RYR2: variants seen among roughly 807,000 people sequenced by gnomAD.
RYR2 encodes cardiac muscle ryanodine receptor-calcium release channel.
A neutral mutation model predicts 601.1 loss-of-function variants in RYR2; 227 were observed. The ratio of observed to expected loss-of-function variants is 0.38; its 90% CI spans 0.34 to 0.42. The LOEUF is 0.42. RYR2 is among the 10% of genes least tolerant of loss of function. The probability of loss-of-function intolerance (pLI) is 1.00; values close to 1 mark genes in which losing one functional copy is unlikely to be tolerated. For missense variants in RYR2, 4,646 were observed against 6,156.5 expected, an observed-to-expected ratio of 0.75 and a Z score of 8.21; for synonymous variants, 2,223 against 2,175.1, an observed-to-expected ratio of 1.02 and a Z score of -0.61.
At chr1:237,756,178 A>G (rs550187597) in intron 80 of RYR2, 110 bp from the exon 81 acceptor site, 1 of 685,442 alleles carries the variant, frequency 1.5e-6, no homozygotes, top group African/African-American at 1.8e-5. Context: ...GAAATGGTCC[A>G]TAATGTTGTC....
At chr1:237,619,660 C>A (rs573068029) in intron 38 of RYR2, among the ~76,000 whole-genome samples, 1 of 145,374 alleles carries the variant, frequency 6.9e-6, no homozygotes, top group Non-Finnish European at 1.5e-5. Flanking sequence ...TAAATCTTTA[C>A]CGAGACACAT....
In RYR2 at chr1:237,116,466, A is replaced by G. The variant is rs140272960; in HGVS notation, c.48+73897A>G. Among the ~76,000 whole-genome samples the G allele has an allele frequency of 3.8e-3, 576 of 152,320 alleles. 2 individuals carry two copies. Among genetic ancestry groups the G allele is most frequent in the African/African-American group, 0.013 (540 of 41,568 alleles). On this transcript the variant is annotated intron_variant, in intron 1 of 104. Transcript: ENST00000366574. ...ATTAGTCAGGGTTCTCCAGAGAATC[A>G]GAAGCAATTGAAACAGAAGCAATTA...
chr1:237,472,090 T>G (rs1286481221), intron 17 of RYR2, among the ~76,000 whole-genome samples: 1 of 152,192 alleles, frequency 6.6e-6, no homozygotes, highest in Non-Finnish European at 1.5e-5. Flanking sequence ...TAGTTAACAT[T>G]TATGCTTTTA....
chr1:237,158,731 A>C (rs760601215), intron 1 of RYR2, among the ~76,000 whole-genome samples: 1 of 152,316 alleles, frequency 6.6e-6, no homozygotes, highest in South Asian at 2.1e-4. Flanking sequence ...TCGTCTCCTC[A>C]GTGCTGAGGG....
intron 73 of RYR2, among the ~76,000 whole-genome samples, chr1:237,721,852 A>G (rs16835657): frequency 0.016 from 2,425 of 152,116 alleles, 49 homozygotes; most frequent in African/African-American, 0.051. Context: ...TACTTATTCT[A>G]TATTATTTCT....
intron 3 of RYR2, among the ~76,000 whole-genome samples, chr1:237,332,322 A>C (rs1487501427): frequency 6.6e-6 from 1 of 152,192 alleles, no homozygotes; most frequent in East Asian, 1.9e-4. Context: ...AGTAGGGAAG[A>C]GAAACTTTAG....
At chr1:237,647,102 TAGG>T (rs1682246537) in intron 48 of RYR2, among the ~76,000 whole-genome samples, 1 of 152,212 alleles carries the variant, frequency 6.6e-6, no homozygotes. Context: ...ATGCGATTTT[TAGG>T]AGAATTGAAA....
intron 1 of RYR2, among the ~76,000 whole-genome samples, chr1:237,072,413 C>T (rs1468867866): frequency 6.6e-6 from 1 of 152,142 alleles, no homozygotes. Context: ...AGATGAGAGA[C>T]AGATGAAGAG....
At chr1:237,371,016 G>T (rs1025668794) in intron 6 of RYR2, among the ~76,000 whole-genome samples, 3 of 151,526 alleles carry the variant, frequency 2.0e-5, no homozygotes. Context: ...TATTCTATAC[G>T]ATTTGGAAGT....
chr1:237,127,989 C>T (rs1464089019), intron 1 of RYR2, among the ~76,000 whole-genome samples: 9 of 151,624 alleles, frequency 5.9e-5, no homozygotes, highest in Admixed American at 2.0e-4. Flanking sequence ...GGGTGGCGGC[C>T]GGGCAGAGGC....
In RYR2 at chr1:237,523,598, G is replaced by A. The variant is rs141220658; in HGVS notation, c.2823-6829G>A. On this transcript the variant is annotated intron_variant, in intron 24 of 104. Transcript: ENST00000366574. ...AAAAATACAAAAAAAGTAGCTGCAC[G>A]TGGTGGCAGGCGCCTGTAATCCCAG... is the stretch of plus-strand genomic sequence containing the variant. Among the ~76,000 whole-genome samples, 1,289 of 152,104 alleles carry A rather than the reference G, an allele frequency of 8.5e-3. 16 individuals are homozygous for A. Among genetic ancestry groups the A allele is most frequent in the African/African-American group, 0.029 (1,213 of 41,498 alleles).
chr1:237,757,870 T>C, intron 82 of RYR2, 94 bp downstream of exon 82: 2 of 798,096 alleles, frequency 2.5e-6, no homozygotes, highest in South Asian at 1.7e-5. Flanking sequence ...ATTTTCTATG[T>C]ACAATATGGC....
rs929559100 is a variant in RYR2 at position 237,665,449 on chromosome 1, G to A, written c.8437-1063G>A. On this transcript the variant is annotated intron_variant, in intron 56 of 104. Transcript: ENST00000366574. ...AACTTCAGACAAATTAAATTTAACA[G>A]AGTTTAATTGAACAAAGAACCAGTG... 5.7e-5 allele frequency among the ~76,000 whole-genome samples: 8 copies of A among 141,510 alleles called. No individual in the cohort carries two copies. The East Asian group carries it at 1.5e-3, about 26-fold the overall frequency. 92.8% of individuals were successfully genotyped at this position (141,510 alleles called of 152,430 possible).
chr1:237,302,568 C>G (rs942593488), intron 2 of RYR2, among the ~76,000 whole-genome samples: 6 of 152,146 alleles, frequency 3.9e-5, no homozygotes, highest in Admixed American at 3.9e-4. Context: ...CCTCTCACTA[C>G]AGAGTGAGCT....
In RYR2 at chr1:237,123,058, T is replaced by A. The variant is rs975573894; in HGVS notation, c.48+80489T>A. Among the ~76,000 whole-genome samples the A allele has an allele frequency of 6.6e-5, 10 of 152,340 alleles. No individual in the cohort carries two copies. The East Asian group carries it at 1.9e-3, about 29-fold the overall frequency. On this transcript the variant is annotated intron_variant, in intron 1 of 104. Transcript: ENST00000366574. Reference sequence around the variant, plus strand: ...AACTGCTAAACACTGTCTTGCAATTTGTGTGCGTGTGTTTTGTATTAAACC... The same window carrying A: ...AACTGCTAAACACTGTCTTGCAATTAGTGTGCGTGTGTTTTGTATTAAACC...
chr1:237,493,174 T>G, intron 19 of RYR2, 87 bp downstream of exon 19: 1 of 1,424,132 alleles, frequency 7.0e-7, no homozygotes. Flanking sequence ...ATATGGTCTG[T>G]TTTTTAAATT....
At chr1:237,775,629 T>C (rs1474070580) in intron 87 of RYR2, among the ~76,000 whole-genome samples, 1 of 152,200 alleles carries the variant, frequency 6.6e-6, no homozygotes, top group Non-Finnish European at 1.5e-5. Flanking sequence ...ATAAATGGAA[T>C]TACCTATAAG....
At position 237,497,033 on chromosome 1, in the gene RYR2, A is replaced by G. The variant is rs555547198; in HGVS notation, c.2203+281A>G. 1.6e-3 allele frequency among the ~76,000 whole-genome samples: 239 copies of G among 152,334 alleles called. 3 individuals carry two copies. Among genetic ancestry groups the G allele is most frequent in the African/African-American group, 5.4e-3 (226 of 41,584 alleles). On this transcript the variant is annotated intron_variant, in intron 20 of 104. Transcript: ENST00000366574. ...TTAAATAAGAGTGTATTGCTTAGGA[A>G]CAATACTGTGTATTTAAAGAGTGCA...
In RYR2 at chr1:237,614,206, A is replaced by G. The variant is rs886046268; in HGVS notation, c.5078A>G (p.Tyr1693Cys). 1 of 1,614,014 alleles carries G rather than the reference A, an allele frequency of 6.2e-7. No homozygotes were observed. Among genetic ancestry groups the G allele is most frequent in the Non-Finnish European group, 8.5e-7 (1 of 1,179,898 alleles). ...CTCCTCTATGCCATTGAGAACAAGT[A>G]CATGCCTGGTTTGCTGCGTGCTGGC... ...PQLLYAIENK[Y>C]MPGLLRAGYY... is the part of the protein sequence containing the mutation. The change falls in exon 37 of 105, where the codon TAC becomes TGC. Residue 1693 changes from tyrosine to cysteine, a missense_variant. Around this residue, in one of 17 missense-constraint regions of RYR2, gnomAD observed 1,807 missense variants for 2,088.1 expected, o/e 0.87. Transcript: ENST00000366574. The surrounding 1 kb of genome is among the most constrained non-coding windows in gnomAD (Gnocchi z 4.3).
Sources: allele counts gnomAD v4.1 joint callset (sites outside exome capture counted in the v4.1 genomes callset), GRCh38; gene constraint gnomAD v4.1.1; regional missense constraint gnomAD v4.1.1; non-coding constraint Gnocchi (gnomAD v3.1); transcripts MANE v1.5; gene names NCBI Gene and HGNC (gene_info 2026-07-23, HGNC 2026-07-21).